GBF1: variants seen among roughly 807,000 people sequenced by gnomAD.
GBF1 encodes the protein golgi brefeldin A resistant guanine nucleotide exchange factor 1, also known as Golgi-specific brefeldin A-resistance guanine nucleotide exchange factor 1.
In GBF1, 114 loss-of-function variants were observed where a neutral mutation model predicts 210.5. The ratio of observed to expected loss-of-function variants is 0.54; its 90% confidence interval spans 0.47 to 0.63. GBF1 has a LOEUF of 0.63. Among genes scored for constraint, GBF1 ranks in the 30% least tolerant of loss-of-function variants. GBF1 has a pLI of 0.00. For synonymous variants in GBF1, 850 were observed against 889.2 expected, an observed-to-expected ratio of 0.96 and a Z score of 0.78; for missense variants, 1,851 against 2,357.7, an observed-to-expected ratio of 0.79 and a Z score of 4.45.
intron 3 of GBF1, among the ~76,000 whole-genome samples, chr10:102,343,242 A>G (rs571780062): frequency 6.0e-4 from 91 of 152,082 alleles, no homozygotes; most frequent in Non-Finnish European, 9.1e-4. Context: ...GTTTCCTCTC[A>G]CCCTCCTGGA....
chr10:102,293,839 G>A (rs113817204), intron 3 of GBF1, among the ~76,000 whole-genome samples: 4 of 130,204 alleles, frequency 3.1e-5, no homozygotes, highest in Non-Finnish European at 6.2e-5. Flanking sequence ...GTGCAGTGGC[G>A]TGATCTCTGC....
chr10:102,275,254 A>G (rs975120296), intron 3 of GBF1, among the ~76,000 whole-genome samples: 1 of 152,190 alleles, frequency 6.6e-6, no homozygotes, highest in African/African-American at 2.4e-5. Context: ...ACAAATAACA[A>G]AAGTGTTTTT....
rs1413934819 is a variant in GBF1 at position 102,367,087 on chromosome 10, T to C, written c.2436T>C (p.Asn812=). 4 of 1,614,034 alleles carry C rather than the reference T, an allele frequency of 2.5e-6. No individual in the cohort carries two copies. Among genetic ancestry groups the C allele is most frequent in the Admixed American group, 3.3e-5 (2 of 59,980 alleles). Residue 812 remains asparagine (N), a splice_region_variant and synonymous_variant, in exon 20 of 40, where the codon AAT becomes AAC. Transcript: ENST00000369983. ...LLEAFTERWM[N]CNGSPFANSD... is the part of the protein sequence containing the mutation. ...AGGCGGGATCTTTGCTTTTTCAGAA[T>C]TGTAATGGCTCCCCATTTGCCAATA...
intron 3 of GBF1, among the ~76,000 whole-genome samples, chr10:102,316,730 A>C (rs2134075187): frequency 6.6e-6 from 1 of 152,358 alleles, no homozygotes. Context: ...TAAGACCCAG[A>C]AAATTTGAAG....
intron 11 of GBF1, 67 bp from the exon 12 acceptor site, chr10:102,360,117 C>T: frequency 1.0e-6 from 1 of 983,450 alleles, no homozygotes; most frequent in Non-Finnish European, 1.7e-6. Context: ...TAATGCAGAG[C>T]AGGCTAGGCA....
At chr10:102,306,450 T>A (rs968730830) in intron 3 of GBF1, among the ~76,000 whole-genome samples, 7 of 152,092 alleles carry the variant, frequency 4.6e-5, no homozygotes, top group Non-Finnish European at 1.0e-4. Flanking sequence ...TGAGATGGAG[T>A]TCTGCTCTTG....
At position 102,363,827 on chromosome 10, in the gene GBF1, C is replaced by T; in HGVS notation, c.2106+29C>T. The T allele has an allele frequency of 1.5e-6, 2 of 1,294,092 alleles. No individual in the cohort carries two copies. Among genetic ancestry groups the T allele is most frequent in the Non-Finnish European group, 1.1e-6 (1 of 888,868 alleles). 80.2% of individuals were successfully genotyped at this position (1,294,092 alleles called of 1,614,324 possible). On this transcript the variant is annotated intron_variant, in intron 17 of 39. Transcript: ENST00000369983. This position sits in a 1 kb window ranked among gnomAD's most constrained non-coding sequence, Gnocchi z 4.2. ...CATACATGTATTCCCCAGCCTCTGT[C>T]CACCTCTGTCTGGGTGTCCAGTGTT...
chr10:102,366,989 C>T lies in GBF1; in HGVS notation c.2434-96C>T. The T allele has an allele frequency of 3.7e-6, 5 of 1,353,496 alleles. No individual in the cohort carries two copies. The highest frequency in any genetic ancestry group is 2.0e-5 in the Admixed American group (1 of 50,870). 83.8% of individuals were successfully genotyped at this position (1,353,496 alleles called of 1,614,324 possible). A position where few individuals can be genotyped will look rare whatever the true frequency, so the allele number is the denominator to read the frequency against. ...GAGACTGGCCACTTTCTGGATGGTA[C>T]CTCTCCTCTGTACTAGCACTGACCA... On this transcript the variant is annotated intron_variant, in intron 19 of 39. Coordinates refer to ENST00000369983, the MANE Select transcript of GBF1 (RefSeq NM_001377137.1). This position sits in a 1 kb window ranked among gnomAD's most constrained non-coding sequence, Gnocchi z 4.0.
At chr10:102,243,995 T>G (rs1209580997), upstream of GBF1, among the ~76,000 whole-genome samples, 3 of 152,146 alleles carry the variant, frequency 2.0e-5, no homozygotes, top group Non-Finnish European at 4.4e-5. Flanking sequence ...CCTGGTGTGG[T>G]GGCAGATGCC....
chr10:102,280,866 G>T (rs925827570), intron 3 of GBF1, among the ~76,000 whole-genome samples: 2 of 152,206 alleles, frequency 1.3e-5, no homozygotes, highest in African/African-American at 2.4e-5. Context: ...GCAGGAGCAG[G>T]ATGTCAGTGT....
At chr10:102,242,993 A>C (rs939438938), upstream of GBF1, among the ~76,000 whole-genome samples, 12 of 151,276 alleles carry the variant, frequency 7.9e-5, no homozygotes, top group Admixed American at 7.9e-4. Flanking sequence ...AAATCTGAGC[A>C]GTCATGTCTT....
chr10:102,242,958 C>G (rs915457962), upstream of GBF1, among the ~76,000 whole-genome samples: 1 of 150,356 alleles, frequency 6.7e-6, no homozygotes, highest in Non-Finnish European at 1.5e-5. Flanking sequence ...AGCCTAAGCC[C>G]AGTCACACAA....
In GBF1 at chr10:102,367,146, T is replaced by G; in HGVS notation, c.2495T>G (p.Ile832Ser). 1.2e-6 allele frequency: 2 copies of G among 1,613,904 alleles called. No individual in the cohort carries two copies. The highest frequency in any genetic ancestry group is 1.7e-6 in the Non-Finnish European group (2 of 1,179,786). ...TGCTTTTCCCTGGCCTATGCTGTCA[T>G]CATGCTTAATACTGACCAGCACAAC... ...DACFSLAYAV[I>S]MLNTDQHNHN... The change falls in exon 20 of 40, where the codon ATC (isoleucine) becomes AGC (serine). Residue 832 changes from isoleucine (I) to serine (S), a missense_variant. Transcript: ENST00000369983.
At chr10:102,340,966 T>G (rs2058143148) in intron 3 of GBF1, among the ~76,000 whole-genome samples, 1 of 152,190 alleles carries the variant, frequency 6.6e-6, no homozygotes, top group Admixed American at 6.5e-5. Flanking sequence ...TAAGTTGGAC[T>G]TCATCAAGAG....
chr10:102,320,261 T>G (rs1426018669), intron 3 of GBF1, among the ~76,000 whole-genome samples: 1 of 152,168 alleles, frequency 6.6e-6, no homozygotes, highest in East Asian at 1.9e-4. Flanking sequence ...TCTTCTCATT[T>G]CCAGTGTTGA....
rs558329450 is a variant in GBF1 at position 102,306,046 on chromosome 10, C to T, written c.164-38005C>T. Among the ~76,000 whole-genome samples, 14 of 151,584 alleles carry T rather than the reference C, an allele frequency of 9.2e-5. No individual in the cohort carries two copies. The East Asian group carries it at 2.7e-3, about 29-fold the overall frequency. On this transcript the variant is annotated intron_variant, in intron 3 of 39. Transcript: ENST00000369983. Reference sequence around the variant, plus strand: ...CTTAAATACCAACTGAGCAAGGTTACTATATATATATACAATTAAAGGATA... The same window carrying T: ...CTTAAATACCAACTGAGCAAGGTTATTATATATATATACAATTAAAGGATA...
chr10:102,367,297 T>C, intron 20 of GBF1, 87 bp downstream of exon 20: 1 of 1,410,330 alleles, frequency 7.1e-7, no homozygotes, highest in Non-Finnish European at 1.0e-6. Context: ...GTGGGCATGA[T>C]GGATGGGGTT....
the GBF1 span, chr10:102,231,708 C>A: frequency 6.2e-7 from 1 of 1,609,332 alleles, no homozygotes; most frequent in Non-Finnish European, 8.5e-7. Context: ...TGGTGAAGTG[C>A]GTGCGCTGCC....
At chr10:102,304,105 A>G (rs536677216) in intron 3 of GBF1, among the ~76,000 whole-genome samples, 1 of 152,210 alleles carries the variant, frequency 6.6e-6, no homozygotes, top group Non-Finnish European at 1.5e-5. Context: ...AACTGCAAAA[A>G]TATATCCAAA....
Sources: allele counts gnomAD v4.1 joint callset (sites outside exome capture counted in the v4.1 genomes callset), GRCh38; gene constraint gnomAD v4.1.1; non-coding constraint Gnocchi (gnomAD v3.1); transcripts MANE v1.5; gene names NCBI Gene and HGNC (gene_info 2026-07-23, HGNC 2026-07-21).